Variants in XIRP1 observed in about 807,000 individuals in gnomAD.
XIRP1 encodes the protein xin actin binding repeat containing 1.
For synonymous variants in XIRP1, 984 were observed against 947.0 expected (o/e 1.04, Z -0.72); for missense variants, 2,378 against 2,345.4 (o/e 1.01, Z -0.29).
At position 39,187,408 on chromosome 3, in the gene XIRP1, C is replaced by T. The variant is rs141081265; in HGVS notation, c.2038G>A (p.Val680Met). ...ATCTCCACGCGGCTGCAGTATCTCACAGGCCGTCTTCCACAGGGACGGCCT... is the reference window on the plus strand; with the variant it reads ...ATCTCCACGCGGCTGCAGTATCTCATAGGCCGTCTTCCACAGGGACGGCCT... ...ASGRPCGRRP[V>M]RYCSRVEIPS... The change falls in exon 2 of 2, where the codon GTG becomes ATG. Residue 680 changes from valine to methionine, a missense_variant. Coordinates refer to ENST00000340369, the MANE Select transcript of XIRP1 (RefSeq NM_194293.4). The T allele has an allele frequency of 4.2e-4, 670 of 1,614,064 alleles. 4 individuals are homozygous for T. The highest frequency in any genetic ancestry group is 7.4e-5 in the Non-Finnish European group (87 of 1,180,048).
chr3:39,185,895 C>T lies in XIRP1; in HGVS notation c.3551G>A (p.Gly1184Asp), dbSNP rs1287874517. The change falls in exon 2 of 2, where the codon GGC (glycine) becomes GAC (aspartate). Residue 1184 changes from glycine to aspartate, a missense_variant. Physicochemically the swap from Gly to Asp is moderately conservative, Grantham distance 94. Transcript: ENST00000340369. ...CCCTGGCCCAGTACTCTGACCTGGGCCTCCCTGGAGTGGGCGGGGAGCCTG... is the reference window on the plus strand; with the variant it reads ...CCCTGGCCCAGTACTCTGACCTGGGTCTCCCTGGAGTGGGCGGGGAGCCTG... ...SVQAPRPLQGGPGQSTGPGRE... is the reference protein window; with the variant it reads ...SVQAPRPLQGDPGQSTGPGRE... 1 of 1,613,488 alleles carries T rather than the reference C, an allele frequency of 6.2e-7. No homozygotes were observed. Among genetic ancestry groups the T allele is most frequent in the Non-Finnish European group, 8.5e-7 (1 of 1,179,694 alleles).
chr3:39,187,304 C>A lies in XIRP1; in HGVS notation c.2142G>T (p.Arg714=), dbSNP rs575513937. The change falls in exon 2 of 2, where the codon CGG becomes CGT. Residue 714 remains arginine, a synonymous_variant. Transcript: ENST00000340369. ...EAGKKEEQEP[R]VIAGSIPAGS... is the part of the protein sequence containing the mutation. ...CCGCGGGGATGGACCCAGCGATTAC[C>A]CGGGGCTCCTGTTCTTCCTTCTTGC... 1 of 1,591,196 alleles carries A rather than the reference C, an allele frequency of 6.3e-7. No individual in the cohort carries two copies. Among genetic ancestry groups the A allele is most frequent in the East Asian group, 2.2e-5 (1 of 44,570 alleles).
At position 39,184,703 on chromosome 3, in the gene XIRP1, G is replaced by A. The variant is rs771203669; in HGVS notation, c.4743C>T (p.His1581=). The change falls in exon 2 of 2, where the codon CAC becomes CAT. Residue 1581 remains histidine, a synonymous_variant. Transcript: ENST00000340369. ...RGHFQGPPKD[H]SAHKISVTVS... is the part of the protein sequence containing the mutation. Reference sequence around the variant, plus strand: ...CTGTGACACTGATCTTGTGGGCACTGTGGTCTTTTGGAGGTCCCTGGAAAT... The same window carrying A: ...CTGTGACACTGATCTTGTGGGCACTATGGTCTTTTGGAGGTCCCTGGAAAT... The A allele has an allele frequency of 1.5e-5, 25 of 1,614,154 alleles. No homozygotes were observed. Among genetic ancestry groups the A allele is most frequent in the Non-Finnish European group, 1.9e-5 (23 of 1,180,060 alleles).
rs754376271 is a variant in XIRP1, at chr3:39,187,475, C to T, written c.1971G>A (p.Gln657=). 1.2e-6 allele frequency: 2 copies of T among 1,614,100 alleles called. No individual in the cohort carries two copies. Among genetic ancestry groups the T allele is most frequent in the Admixed American group, 1.7e-5 (1 of 60,028 alleles). Residue 657 remains glutamine (Q), a synonymous_variant, in exon 2 of 2, where the codon CAG becomes CAA. Coordinates refer to ENST00000340369, the MANE Select transcript of XIRP1 (RefSeq NM_194293.4). ...QVSQVPAGER[Q]TDRHVFETEP... ...CGGTCTCAAAGACGTGTCTGTCTGTCTGTCTTTCCCCAGCCGGGACCTGGC... is the reference window on the plus strand; with the variant it reads ...CGGTCTCAAAGACGTGTCTGTCTGTTTGTCTTTCCCCAGCCGGGACCTGGC...
rs750491022 is a variant in XIRP1, at chr3:39,184,074, T to A, written c.5372A>T (p.Glu1791Val). ...TVLMSSTTVT[E>V]QAEPPRNPGS... ...TGGGTTCCTGGGTGGCTCTGCCTGC[T>A]CGGTGACTGTGGTGGAAGACATGAG... Residue 1791 changes from glutamate (E) to valine (V), a missense_variant, in exon 2 of 2, where the codon GAG becomes GTG. Coordinates refer to ENST00000340369, the MANE Select transcript of XIRP1 (RefSeq NM_194293.4). 6.2e-7 allele frequency: 1 copy of A among 1,609,400 alleles called. No individual in the cohort carries two copies. The highest frequency in any genetic ancestry group is 8.5e-7 in the Non-Finnish European group (1 of 1,176,764).
chr3:39,190,416 C>T (rs935015575), intron 1 of XIRP1, among the ~76,000 whole-genome samples: 2 of 152,160 alleles, frequency 1.3e-5, no homozygotes, highest in African/African-American at 4.8e-5. Flanking sequence ...CCATAGAACC[C>T]GTCTATTCCC....
Position 39,187,179 on chromosome 3 carries a change from A to C in XIRP1, c.2267T>G (p.Met756Arg). The change falls in exon 2 of 2, where the codon ATG becomes AGG. Residue 756 changes from methionine to arginine, a missense_variant. Met to Arg is a moderately conservative substitution (Grantham distance 91). Coordinates refer to ENST00000340369, the MANE Select transcript of XIRP1 (RefSeq NM_194293.4). The part of the protein sequence containing the change: ...QGGNLLEEQP[M>R]SPSGNRMQES... The stretch of plus-strand genomic sequence containing the variant: ...TTGCATCCTGTTGCCTGAGGGGCTC[A>C]TGGGCTGCTCTTCCAGGAGGTTGCC... 6.2e-7 allele frequency: 1 copy of C among 1,602,312 alleles called. No homozygotes were observed. The highest frequency in any genetic ancestry group is 8.5e-7 in the Non-Finnish European group (1 of 1,170,804).
At position 39,188,976 on chromosome 3, in the gene XIRP1, C is replaced by A; in HGVS notation, c.470G>T (p.Arg157Leu). The A allele has an allele frequency of 1.9e-6, 3 of 1,613,666 alleles. No homozygotes were observed. The South Asian group carries it at 3.3e-5, about 18-fold the overall frequency. ...QPGGGDVRAA[R>L]WLFETKPLDE... is the part of the protein sequence containing the mutation. ...CAGTGGCTTTGTCTCAAATAGCCAG[C>A]GGGCTGCACGAACGTCTCCTCCACC... Residue 157 changes from arginine to leucine, a missense_variant, in exon 2 of 2, where the codon CGC (arginine) becomes CTC (leucine). Physicochemically the swap from Arg to Leu is moderately radical, Grantham distance 102 (BLOSUM62 -2). Coordinates refer to ENST00000340369, the MANE Select transcript of XIRP1 (RefSeq NM_194293.4).
rs2039998431 is a variant in XIRP1 at position 39,187,317 on chromosome 3, T to C, written c.2129A>G (p.Glu710Gly). Residue 710 changes from glutamate (E) to glycine (G), a missense_variant, in exon 2 of 2, where the codon GAA (glutamate) becomes GGA (glycine). Coordinates refer to ENST00000340369, the MANE Select transcript of XIRP1 (RefSeq NM_194293.4). ...CCCAGCGATTACCCGGGGCTCCTGT[T>C]CTTCCTTCTTGCCTGCCTCCAGGGC... ...FQALEAGKKE[E>G]QEPRVIAGSI... 6.3e-7 allele frequency: 1 copy of C among 1,595,948 alleles called. No homozygotes were observed. Among genetic ancestry groups the C allele is most frequent in the African/African-American group, 1.3e-5 (1 of 74,084 alleles).
chr3:39,186,216 T>C lies in XIRP1; in HGVS notation c.3230A>G (p.Lys1077Arg). ...AGTGGCTGTTGGGGTGGGGCCCTGC[T>C]TGTGCTTGTTCAGAACTTGCTGGTG... ...SLHQQVLNKH[K>R]QGPTPTATSN... The change falls in exon 2 of 2, where the codon AAG becomes AGG. Residue 1077 changes from lysine to arginine, a missense_variant. Lys to Arg is a conservative substitution (Grantham distance 26). Coordinates refer to ENST00000340369, the MANE Select transcript of XIRP1 (RefSeq NM_194293.4). 1.2e-6 allele frequency: 2 copies of C among 1,613,912 alleles called. No individual in the cohort carries two copies. Among genetic ancestry groups the C allele is most frequent in the Non-Finnish European group, 1.7e-6 (2 of 1,179,950 alleles).
At chr3:39,189,547 A>C in intron 1 of XIRP1, 22 bp from the exon 2 acceptor site, 1 of 1,496,574 alleles carries the variant, frequency 6.7e-7, no homozygotes, top group Non-Finnish European at 8.9e-7. Flanking sequence ...GGTAGTAAAC[A>C]GGGCTCAGAG....
chr3:39,183,791 A>G lies in XIRP1; in HGVS notation c.*123T>C. On this transcript the variant is annotated 3_prime_UTR_variant, in exon 2 of 2. Transcript: ENST00000340369. ...TGCGAAAGGGAAATGGCCCACAGTAATCCTCTGAAGATGCCATTTCCTCTT... is the reference window on the plus strand; with the variant it reads ...TGCGAAAGGGAAATGGCCCACAGTAGTCCTCTGAAGATGCCATTTCCTCTT... 1 of 1,389,090 alleles carries G rather than the reference A, an allele frequency of 7.2e-7. No individual in the cohort carries two copies. Among genetic ancestry groups the G allele is most frequent in the South Asian group, 1.5e-5 (1 of 66,622 alleles). The allele number at this position is 1,389,090 out of a possible 1,614,324, so 86.0% of individuals were successfully genotyped here. A position where few individuals can be genotyped will look rare whatever the true frequency, so the allele number is the denominator to read the frequency against.
rs566658098 is a variant in XIRP1 at position 39,186,318 on chromosome 3, G to C, written c.3128C>G (p.Pro1043Arg). The change falls in exon 2 of 2, where the codon CCT becomes CGT. Residue 1043 changes from proline (P) to arginine (R), a missense_variant. Physicochemically the swap from Pro to Arg is moderately radical, Grantham distance 103. Coordinates refer to ENST00000340369, the MANE Select transcript of XIRP1 (RefSeq NM_194293.4). ...LGKSEGATTT[P>R]PGPGAPDLLA... ...GAGGTCTGGGGCCCCAGGCCCCGGA[G>C]GGGTAGTCGTGGCTCCTTCTGACTT... 6.2e-7 allele frequency: 1 copy of C among 1,614,140 alleles called. No homozygotes were observed. The highest frequency in any genetic ancestry group is 2.2e-5 in the East Asian group (1 of 44,868).
Position 39,184,245 on chromosome 3 carries a change from G to A in XIRP1, c.5201C>T (p.Ala1734Val). ...GGGCAGGGGACTGGCTGAGGGAGGGGCAGGTTCAGGTTGCACAGAGCACTG... is the reference window on the plus strand; with the variant it reads ...GGGCAGGGGACTGGCTGAGGGAGGGACAGGTTCAGGTTGCACAGAGCACTG... Reference protein sequence around the residue: ...ITQCSVQPEPAPPSASPLPRG... With the variant: ...ITQCSVQPEPVPPSASPLPRG... The change falls in exon 2 of 2, where the codon GCC becomes GTC. Residue 1734 changes from alanine to valine, a missense_variant. By Grantham distance (64) the Ala-to-Val change is moderately conservative. Transcript: ENST00000340369. 1 of 1,614,208 alleles carries A rather than the reference G, an allele frequency of 6.2e-7. No individual in the cohort carries two copies. The highest frequency in any genetic ancestry group is 8.5e-7 in the Non-Finnish European group (1 of 1,180,014).
At position 39,187,624 on chromosome 3, in the gene XIRP1, C is replaced by T. The variant is rs1158617770; in HGVS notation, c.1822G>A (p.Glu608Lys). ...FETCPMSELA[E>K]KQGSEVTDPT... ...TCTGTGACCTCTGACCCCTGCTTTT[C>T]GGCCAACTCACTCATTGGGCAAGTC... is the stretch of plus-strand genomic sequence containing the variant. Residue 608 changes from glutamate to lysine, a missense_variant, in exon 2 of 2, where the codon GAA (glutamate) becomes AAA (lysine). Coordinates refer to ENST00000340369, the MANE Select transcript of XIRP1 (RefSeq NM_194293.4). The T allele has an allele frequency of 5.6e-6, 9 of 1,613,956 alleles. No individual in the cohort carries two copies. Among genetic ancestry groups the T allele is most frequent in the Middle Eastern group, 1.6e-4 (1 of 6,084 alleles).
At position 39,189,272 on chromosome 3, in the gene XIRP1, G is replaced by A; in HGVS notation, c.174C>T (p.Tyr58=). 3 of 1,613,946 alleles carry A rather than the reference G, an allele frequency of 1.9e-6. No homozygotes were observed. The highest frequency in any genetic ancestry group is 2.2e-5 in the South Asian group (2 of 91,080). ...QRQASELRRL[Y]RHIHPELRKN... ...TGCGGAGCTCAGGGTGGATGTGCCT[G>A]TAGAGGCGGCGGAGCTCACTAGCTT... Residue 58 remains tyrosine (Y), a synonymous_variant, in exon 2 of 2, where the codon TAC becomes TAT. Coordinates refer to ENST00000340369, the MANE Select transcript of XIRP1 (RefSeq NM_194293.4).
chr3:39,185,084 G>C lies in XIRP1; in HGVS notation c.4362C>G (p.His1454Gln). The C allele has an allele frequency of 1.3e-6, 2 of 1,526,876 alleles. No individual in the cohort carries two copies. Among genetic ancestry groups the C allele is most frequent in the Non-Finnish European group, 1.8e-6 (2 of 1,140,838 alleles). The allele number at this position is 1,526,876 out of a possible 1,614,324, so 94.6% of individuals were successfully genotyped here. The change falls in exon 2 of 2, where the codon CAC becomes CAG. Residue 1454 changes from histidine to glutamine, a missense_variant. Transcript: ENST00000340369. ...TGTCAGGGCTCTCAGGGGCCCCTTGGTGGGAACCTTCCATGGGCTGCTCTC... is the reference window on the plus strand; with the variant it reads ...TGTCAGGGCTCTCAGGGGCCCCTTGCTGGGAACCTTCCATGGGCTGCTCTC... ...PSGEQPMEGSHQGAPESPDSL... is the reference protein window; with the variant it reads ...PSGEQPMEGSQQGAPESPDSL...
Position 39,185,811 on chromosome 3 carries a change from G to A in XIRP1, c.3635C>T (p.Ala1212Val). ...TTGGAGGCCCCCTGGGCAGACTTCT[G>A]CCATCGCCTTCCCTGGTGGCCCCCA... is the stretch of plus-strand genomic sequence containing the variant. ...MAWGPPGKAM[A>V]EVCPGGLQAA... The change falls in exon 2 of 2, where the codon GCA becomes GTA. Residue 1212 changes from alanine (A) to valine (V), a missense_variant. Transcript: ENST00000340369. 1 of 1,613,608 alleles carries A rather than the reference G, an allele frequency of 6.2e-7. No individual in the cohort carries two copies. The highest frequency in any genetic ancestry group is 8.5e-7 in the Non-Finnish European group (1 of 1,179,814).
Position 39,187,668 on chromosome 3 carries a change from G to A in XIRP1, c.1778C>T (p.Thr593Ile). The A allele has an allele frequency of 6.2e-7, 1 of 1,614,068 alleles. No individual in the cohort carries two copies. The highest frequency in any genetic ancestry group is 1.7e-5 in the Admixed American group (1 of 60,032). ...PEAPPKGDVQ[T>I]IRWLFETCPM... ...GCAAGTCTCGAACAACCACCGGATG[G>A]TCTGCACATCGCCCTTTGGGGGTGC... The change falls in exon 2 of 2, where the codon ACC becomes ATC. Residue 593 changes from threonine (T) to isoleucine (I), a missense_variant. By Grantham distance (89) the Thr-to-Ile change is moderately conservative (BLOSUM62 -1). Coordinates refer to ENST00000340369, the MANE Select transcript of XIRP1 (RefSeq NM_194293.4).
Sources: gnomAD v4.1 joint callset for allele counts (sites outside exome capture counted in the v4.1 genomes callset) on GRCh38, gnomAD v4.1.1 for gene constraint, MANE v1.5 for transcripts, NCBI Gene and HGNC (gene_info 2026-07-23, HGNC 2026-07-21) for gene names.